Variants in FSTL5 observed in about 807,000 individuals in gnomAD.
FSTL5 encodes the protein follistatin-related protein 5.
In FSTL5, 62 loss-of-function variants were observed where a neutral mutation model predicts 89.1. The ratio of observed to expected loss-of-function variants is 0.70; its 90% CI spans 0.57 to 0.86. The LOEUF is 0.86. FSTL5 is among the 40% of genes least tolerant of loss of function. FSTL5 has a pLI of 0.00. For synonymous variants in FSTL5, 383 were observed against 346.2 expected, an observed-to-expected ratio of 1.11 and a Z score of -1.18; for missense variants, 1,057 against 1,001.6, an observed-to-expected ratio of 1.06 and a Z score of -0.75.
intron 4 of FSTL5, among the ~76,000 whole-genome samples, chr4:161,891,133 T>C (rs1382967621): frequency 6.6e-6 from 1 of 152,200 alleles, no homozygotes; most frequent in Non-Finnish European, 1.5e-5. Context: ...TTGTCAACTA[T>C]GTATCTTGCT....
At chr4:161,425,128 T>C (rs1479996258) in intron 15 of FSTL5, among the ~76,000 whole-genome samples, 1 of 152,200 alleles carries the variant, frequency 6.6e-6, no homozygotes, top group African/African-American at 2.4e-5. Flanking sequence ...ATTGTCAGAA[T>C]GTGGTAGAAT....
chr4:161,418,268 A>G (rs1322039085), intron 15 of FSTL5, among the ~76,000 whole-genome samples: 1 of 152,200 alleles, frequency 6.6e-6, no homozygotes, highest in Non-Finnish European at 1.5e-5. Context: ...TCTGTCCGCC[A>G]TGACCCTGAA....
chr4:161,708,170 G>A (rs1277603003), intron 6 of FSTL5, among the ~76,000 whole-genome samples: 2 of 151,952 alleles, frequency 1.3e-5, no homozygotes, highest in East Asian at 1.9e-4. Context: ...TGTAAATCTT[G>A]TCTCCTTGTA....
At chr4:161,775,756 A>G (rs1741385596) in intron 5 of FSTL5, 122 bp downstream of exon 5, 2 of 504,574 alleles carry the variant, frequency 4.0e-6, no homozygotes, top group Non-Finnish European at 6.8e-6. Context: ...GTTGTTATTC[A>G]TATACTTTTC....
At position 161,832,677 on chromosome 4, in the gene FSTL5, T is replaced by C. The variant is rs577308287; in HGVS notation, c.410-56603A>G. 2.6e-5 allele frequency among the ~76,000 whole-genome samples: 4 copies of C among 152,334 alleles called. No individual in the cohort carries two copies. In the South Asian group the frequency reaches 8.3e-4, roughly 32 times the overall value. ...TCTAGTTTATTTGCGTAAAGGTGTT[T>C]ATAGCATTCTCTGATGGTAGTTTGT... is the stretch of plus-strand genomic sequence containing the variant. On this transcript the variant is annotated intron_variant, in intron 4 of 15. Transcript: ENST00000306100.
At chr4:161,757,117 A>G (rs1740597128) in intron 6 of FSTL5, among the ~76,000 whole-genome samples, 1 of 152,138 alleles carries the variant, frequency 6.6e-6, no homozygotes, top group Non-Finnish European at 1.5e-5. Flanking sequence ...TAAATGCCCT[A>G]ATATGTCAAG....
intron 7 of FSTL5, among the ~76,000 whole-genome samples, chr4:161,649,578 C>G (rs1039647422): frequency 6.6e-6 from 1 of 152,114 alleles, no homozygotes; most frequent in Admixed American, 6.5e-5. Context: ...AATATCTAAT[C>G]AATTCAGAAA....
At chr4:161,492,987 G>A (rs1055084475) in intron 12 of FSTL5, among the ~76,000 whole-genome samples, 7 of 151,732 alleles carry the variant, frequency 4.6e-5, no homozygotes, top group African/African-American at 1.7e-4. Flanking sequence ...CCTCCAAACT[G>A]ATATTTGTGA....
At chr4:161,701,690 T>C (rs72973238) in intron 6 of FSTL5, among the ~76,000 whole-genome samples, 1,711 of 152,114 alleles carry the variant, frequency 0.011, 42 homozygotes, top group African/African-American at 0.039. Context: ...CTCCTTGCTA[T>C]TCAAAATATG....
intron 4 of FSTL5, among the ~76,000 whole-genome samples, chr4:161,843,168 T>C (rs931469668): frequency 5.3e-5 from 8 of 152,160 alleles, no homozygotes; most frequent in Non-Finnish European, 1.0e-4. Context: ...ATTCTCCTTG[T>C]CACAGGTTCT....
intron 15 of FSTL5, among the ~76,000 whole-genome samples, chr4:161,421,747 A>T (rs1304183147): frequency 6.6e-6 from 1 of 152,202 alleles, no homozygotes; most frequent in Non-Finnish European, 1.5e-5. Flanking sequence ...TGAATAGAAC[A>T]AAAAGGAGGA....
At chr4:162,096,251 G>A (rs1730749305) in intron 2 of FSTL5, among the ~76,000 whole-genome samples, 1 of 151,808 alleles carries the variant, frequency 6.6e-6, no homozygotes, top group Non-Finnish European at 1.5e-5. Context: ...CATGGAACTA[G>A]CTAAAAACCA....
intron 15 of FSTL5, among the ~76,000 whole-genome samples, chr4:161,446,444 T>G (rs888058420): frequency 2.0e-5 from 3 of 152,040 alleles, no homozygotes; most frequent in Non-Finnish European, 4.4e-5. Flanking sequence ...GTATTTGAAG[T>G]TTTATCATTT....
chr4:161,822,084 C>T (rs1454889234), intron 4 of FSTL5, among the ~76,000 whole-genome samples: 3 of 152,094 alleles, frequency 2.0e-5, no homozygotes, highest in East Asian at 1.9e-4. Context: ...CACCAGATCC[C>T]TGCCAACATC....
chr4:161,992,859 AAAATATATATAT>A (rs1408923769), intron 3 of FSTL5, among the ~76,000 whole-genome samples: 1,273 of 14,580 alleles, frequency 0.087, 15 homozygotes, highest in Non-Finnish European at 0.12. Context: ...AAAAAAAAAA[AAAATATATATAT>A]ATATATATAT....
At chr4:161,681,745 A>C (rs562573286) in intron 6 of FSTL5, among the ~76,000 whole-genome samples, 59 of 152,296 alleles carry the variant, frequency 3.9e-4, no homozygotes, top group African/African-American at 1.4e-3. Flanking sequence ...ATTTAATTTA[A>C]TAAAATAGAT....
intron 11 of FSTL5, among the ~76,000 whole-genome samples, chr4:161,500,457 T>A (rs1730256026): frequency 6.6e-6 from 1 of 152,160 alleles, no homozygotes; most frequent in Non-Finnish European, 1.5e-5. Context: ...CCACTTAATG[T>A]ACATGTTGAT....
intron 1 of FSTL5, among the ~76,000 whole-genome samples, chr4:162,125,963 T>A (rs571026480): frequency 2.7e-4 from 41 of 152,202 alleles, no homozygotes; most frequent in African/African-American, 9.9e-4. Flanking sequence ...TATTATCTCC[T>A]TTTTTCTCTT....
At chr4:162,037,941 G>A (rs1222770990) in intron 2 of FSTL5, among the ~76,000 whole-genome samples, 1 of 151,788 alleles carries the variant, frequency 6.6e-6, no homozygotes, top group Admixed American at 6.6e-5. Context: ...ATAACTTCAT[G>A]TTCAAAATAT....
Sources: gnomAD v4.1 joint callset for allele counts (sites outside exome capture counted in the v4.1 genomes callset) on GRCh38, gnomAD v4.1.1 for gene constraint, MANE v1.5 for transcripts, NCBI Gene and HGNC (gene_info 2026-07-23, HGNC 2026-07-21) for gene names.